XKR9: variants seen among roughly 807,000 people sequenced by gnomAD.
XKR9 encodes the protein XK-related protein 9.
XKR9 carries 32 observed loss-of-function variants against 32.0 expected under a neutral mutation model. That is an observed-to-expected ratio of 1.00 (90% CI 0.76 to 1.34). XKR9 has a LOEUF of 1.34. XKR9 is among the 40% of genes most tolerant of loss of function. The pLI is 0.00. For synonymous variants in XKR9, 168 were observed against 143.4 expected (o/e 1.17, Z -1.22); for missense variants, 546 against 429.7 (o/e 1.27, Z -2.39).
At chr8:70,921,898 G>A in the XKR9 span, among the ~76,000 whole-genome samples, 1 of 152,018 alleles carries the variant, frequency 6.6e-6, no homozygotes, top group East Asian at 1.9e-4. Context: ...TGTCAGCTTA[G>A]GACTAGAAGA....
the XKR9 span, among the ~76,000 whole-genome samples, chr8:70,934,735 T>C: frequency 6.6e-6 from 1 of 152,088 alleles, no homozygotes; most frequent in East Asian, 1.9e-4. Context: ...ATTATGCATG[T>C]TTATTTAGAC....
the XKR9 span, among the ~76,000 whole-genome samples, chr8:70,996,930 G>A: frequency 1.3e-5 from 2 of 152,308 alleles, no homozygotes; most frequent in Non-Finnish European, 1.5e-5. Context: ...GCCTTGCTGA[G>A]GTTCTGCAGT....
chr8:70,988,187 G>A, the XKR9 span, among the ~76,000 whole-genome samples: 2 of 152,126 alleles, frequency 1.3e-5, no homozygotes, highest in South Asian at 2.1e-4. Flanking sequence ...GGGAATTATG[G>A]GAGTACAATT....
the XKR9 span, among the ~76,000 whole-genome samples, chr8:71,000,774 G>T: frequency 3.9e-5 from 6 of 152,182 alleles, no homozygotes; most frequent in Non-Finnish European, 5.9e-5. Flanking sequence ...ACAGTCAGCT[G>T]TACTCATGTG....
At chr8:71,015,777 TAAAAA>T in the XKR9 span, among the ~76,000 whole-genome samples, 1 of 149,064 alleles carries the variant, frequency 6.7e-6, no homozygotes, top group Non-Finnish European at 1.5e-5. Context: ...CATTAGCTGT[TAAAAA>T]AAAAAAACTT....
At chr8:70,833,705 G>A in the XKR9 span, among the ~76,000 whole-genome samples, 1 of 152,026 alleles carries the variant, frequency 6.6e-6, no homozygotes, top group Non-Finnish European at 1.5e-5. Context: ...GCTGGGTCCT[G>A]GCATCTATAT....
At chr8:70,907,245 T>TGAC in the XKR9 span, among the ~76,000 whole-genome samples, 1 of 152,354 alleles carries the variant, frequency 6.6e-6, no homozygotes, top group South Asian at 2.1e-4. Flanking sequence ...TCACTCTCTG[T>TGAC]GGACTAATAG....
At chr8:70,811,585 A>G in the XKR9 span, among the ~76,000 whole-genome samples, 12 of 152,174 alleles carry the variant, frequency 7.9e-5, no homozygotes, top group African/African-American at 2.7e-4. Context: ...TCAAATAGAC[A>G]CAATAAAAAA....
chr8:70,842,547 T>TACACACACACACACACAC, the XKR9 span, among the ~76,000 whole-genome samples: 58 of 149,026 alleles, frequency 3.9e-4, no homozygotes, highest in Non-Finnish European at 7.3e-4. Context: ...CATCATTATT[T>TACACACACACACACACAC]ACACACACAC....
chr8:70,892,617 CT>C, the XKR9 span, among the ~76,000 whole-genome samples: 1 of 152,054 alleles, frequency 6.6e-6, no homozygotes, highest in South Asian at 2.1e-4. Context: ...GTATAGTATT[CT>C]TTCTCGGCAA....
At chr8:71,026,330 A>G in the XKR9 span, among the ~76,000 whole-genome samples, 1 of 152,298 alleles carries the variant, frequency 6.6e-6, no homozygotes, top group South Asian at 2.1e-4. Context: ...AAGCTTTGAA[A>G]TCAATCTGTT....
At chr8:70,865,933 T>A in the XKR9 span, among the ~76,000 whole-genome samples, 1 of 152,216 alleles carries the variant, frequency 6.6e-6, no homozygotes, top group Non-Finnish European at 1.5e-5. Context: ...AGCACTTTTT[T>A]ACATGTAGGG....
intron 2 of XKR9, among the ~76,000 whole-genome samples, chr8:70,757,867 G>C (rs1347451448): frequency 1.3e-5 from 2 of 152,118 alleles, no homozygotes; most frequent in Non-Finnish European, 2.9e-5. Flanking sequence ...GATTACAGGC[G>C]TGAGCCACCG....
the XKR9 span, among the ~76,000 whole-genome samples, chr8:71,036,620 G>T: frequency 6.6e-6 from 1 of 152,002 alleles, no homozygotes; most frequent in Admixed American, 6.6e-5. Context: ...ATACTTTTAG[G>T]GTTTTGTGAG....
the XKR9 span, among the ~76,000 whole-genome samples, chr8:70,981,739 G>GT: frequency 3.9e-5 from 6 of 152,096 alleles, no homozygotes; most frequent in African/African-American, 1.4e-4. Context: ...TACCAGAATT[G>GT]TTTTTTTGGT....
chr8:70,767,281 G>A (rs760706723), intron 2 of XKR9, among the ~76,000 whole-genome samples: 13 of 152,076 alleles, frequency 8.5e-5, no homozygotes, highest in Non-Finnish European at 1.5e-4. Flanking sequence ...TTCAGAACTT[G>A]TTATTGGTTT....
At chr8:70,832,712 A>G in the XKR9 span, among the ~76,000 whole-genome samples, 1 of 152,212 alleles carries the variant, frequency 6.6e-6, no homozygotes, top group Non-Finnish European at 1.5e-5. Flanking sequence ...AGGGATACCT[A>G]TTAGCTCTGT....
chr8:70,935,144 C>T, the XKR9 span, among the ~76,000 whole-genome samples: 1 of 144,624 alleles, frequency 6.9e-6, no homozygotes, highest in Non-Finnish European at 1.5e-5. Context: ...TATATATACA[C>T]ATATATACAT....
At chr8:70,760,832 A>G (rs1010271963) in intron 2 of XKR9, among the ~76,000 whole-genome samples, 5 of 152,092 alleles carry the variant, frequency 3.3e-5, no homozygotes, top group African/African-American at 9.7e-5. Flanking sequence ...CCTAGTATCC[A>G]TTGGTTATTT....
Sources: allele counts gnomAD v4.1 joint callset (sites outside exome capture counted in the v4.1 genomes callset), GRCh38; gene constraint gnomAD v4.1.1; transcripts MANE v1.5; gene names NCBI Gene and HGNC (gene_info 2026-07-23, HGNC 2026-07-21).